MYLK4: variants seen among roughly 807,000 people sequenced by gnomAD.
The protein encoded by MYLK4 is caMLCK like.
Under a neutral mutation model 48.1 loss-of-function variants are expected in MYLK4, and 46 were observed. That is an observed-to-expected ratio of 0.96 (90% confidence interval 0.75 to 1.22). The LOEUF (loss-of-function observed/expected upper bound fraction) is 1.22, where lower values mean the gene tolerates loss of function less well. Among genes scored for constraint, MYLK4 ranks in the 50% most tolerant of loss-of-function variants. MYLK4 has a pLI of 0.00. For synonymous variants in MYLK4, 170 were observed against 180.8 expected (o/e 0.94, Z 0.48); for missense variants, 451 against 486.1 (o/e 0.93, Z 0.68).
At chr6:2,674,474 AG>A (rs1216475122) in intron 11 of MYLK4, among the ~76,000 whole-genome samples, 2 of 152,240 alleles carry the variant, frequency 1.3e-5, no homozygotes, top group Non-Finnish European at 2.9e-5. Context: ...AAGACAATGA[AG>A]TAATTCATTT....
chr6:2,676,224 G>A (rs1198459509), intron 10 of MYLK4, among the ~76,000 whole-genome samples: 3 of 152,174 alleles, frequency 2.0e-5, no homozygotes, highest in Admixed American at 6.5e-5. Flanking sequence ...CAATGCAATC[G>A]CTTCATCAGA....
chr6:2,718,827 T>A (rs1232867481), intron 2 of MYLK4, among the ~76,000 whole-genome samples: 1 of 152,252 alleles, frequency 6.6e-6, no homozygotes, highest in Non-Finnish European at 1.5e-5. Context: ...TAAAAATAGC[T>A]ACTAGTCATG....
the MYLK4 span, among the ~76,000 whole-genome samples, chr6:2,767,484 G>C: frequency 1.3e-5 from 2 of 152,152 alleles, no homozygotes; most frequent in African/African-American, 4.8e-5. Context: ...CCAGTTCCTG[G>C]AATGAATTGC....
At chr6:2,760,570 G>A in the MYLK4 span, among the ~76,000 whole-genome samples, 5 of 152,126 alleles carry the variant, frequency 3.3e-5, no homozygotes, top group East Asian at 7.7e-4. Flanking sequence ...CATTATATAG[G>A]CACTCCTAGC....
At chr6:2,745,479 T>C (rs1764052941) in intron 2 of MYLK4, among the ~76,000 whole-genome samples, 1 of 152,254 alleles carries the variant, frequency 6.6e-6, no homozygotes, top group Non-Finnish European at 1.5e-5. Context: ...CCACACCGTG[T>C]ACGTATGTTT....
intron 2 of MYLK4, among the ~76,000 whole-genome samples, chr6:2,702,947 TGTTTG>T (rs1762345674): frequency 1.3e-5 from 2 of 152,188 alleles, no homozygotes; most frequent in Non-Finnish European, 2.9e-5. Context: ...CATTGTCCTT[TGTTTG>T]ATTGTGGACG....
At chr6:2,697,600 G>C (rs1283661015) in intron 2 of MYLK4, among the ~76,000 whole-genome samples, 1 of 152,194 alleles carries the variant, frequency 6.6e-6, no homozygotes, top group Admixed American at 6.5e-5. Context: ...CGGAATAGCT[G>C]AAAGGGAAAT....
the MYLK4 span, among the ~76,000 whole-genome samples, chr6:2,766,946 TAAG>T: frequency 3.3e-5 from 5 of 152,384 alleles, no homozygotes; most frequent in South Asian, 6.2e-4. Context: ...TATTTATTCT[TAAG>T]AATAAGTTTA....
chr6:2,688,044 G>T lies in MYLK4; in HGVS notation c.341+807C>A, dbSNP rs114623020. ...CTGATGGACTTTAATTTTCCTTCTG[G>T]TTTTTTTTCTTTTCTTTTTTTTTCT... On this transcript the variant is annotated intron_variant, in intron 4 of 12. Transcript: ENST00000274643. 8.8e-3 allele frequency among the ~76,000 whole-genome samples: 1,327 copies of T among 150,582 alleles called. 22 individuals are homozygous for T. Among genetic ancestry groups the T allele is most frequent in the African/African-American group, 0.03 (1,244 of 40,988 alleles).
the MYLK4 span, chr6:2,766,010 C>T: frequency 1.5e-6 from 2 of 1,350,176 alleles, no homozygotes; most frequent in Non-Finnish European, 1.9e-6. Flanking sequence ...CCCGGTGGCC[C>T]GCTCCAGCAG....
chr6:2,764,578 G>A, the MYLK4 span, among the ~76,000 whole-genome samples: 1 of 121,454 alleles, frequency 8.2e-6, no homozygotes, highest in Non-Finnish European at 1.8e-5. Flanking sequence ...AAAATAACAT[G>A]GTAATTCATT....
intron 2 of MYLK4, among the ~76,000 whole-genome samples, chr6:2,714,981 T>A (rs1762814334): frequency 1.3e-5 from 2 of 152,000 alleles, no homozygotes; most frequent in African/African-American, 2.4e-5. Flanking sequence ...GGGTACAGAG[T>A]TGGCTGGGCG....
chr6:2,725,155 A>G (rs1216458810), intron 2 of MYLK4, among the ~76,000 whole-genome samples: 2 of 152,270 alleles, frequency 1.3e-5, no homozygotes, highest in Admixed American at 6.5e-5. Context: ...TGCCTCAAAA[A>G]CAAACAAAAA....
chr6:2,765,328 A>G, the MYLK4 span: 293 of 238,754 alleles, frequency 1.2e-3, 1 homozygote, highest in African/African-American at 6.4e-3. Context: ...GCAAACGGCC[A>G]CGGACTACAC....
At chr6:2,766,536 A>C in the MYLK4 span, 1 of 1,411,168 alleles carries the variant, frequency 7.1e-7, no homozygotes, top group Non-Finnish European at 9.3e-7. Flanking sequence ...CCCTCGAAAG[A>C]AGCCGCCTGC....
intron 12 of MYLK4, 38 bp downstream of exon 12, chr6:2,671,238 G>A (rs1326427646): frequency 4.5e-6 from 6 of 1,324,490 alleles, no homozygotes; most frequent in Non-Finnish European, 6.5e-6. Flanking sequence ...ATCTCTTAAG[G>A]CCTTCACAGA....
At chr6:2,746,159 C>T (rs1437680721) in intron 2 of MYLK4, among the ~76,000 whole-genome samples, 2 of 151,038 alleles carry the variant, frequency 1.3e-5, no homozygotes, top group African/African-American at 2.4e-5. Flanking sequence ...CCCGGCTACT[C>T]AGGAGGCTAA....
rs761200098 is a variant in MYLK4 at position 2,679,497 on chromosome 6, T to A, written c.759-89A>T. 5.3e-6 allele frequency: 8 copies of A among 1,501,310 alleles called. No homozygotes were observed. In the South Asian group the frequency reaches 9.0e-5, roughly 17 times the overall value. The allele number at this position is 1,501,310 out of a possible 1,614,324, so 93.0% of individuals were successfully genotyped here. On this transcript the variant is annotated intron_variant, in intron 8 of 12. Transcript: ENST00000274643. ...GATGTAGTCTATGAGACAAAATGAC[T>A]TCAGCCATACAGCAAACTTCAGACA...
chr6:2,765,420 C>T, the MYLK4 span: 5 of 504,342 alleles, frequency 9.9e-6, no homozygotes, highest in Non-Finnish European at 1.5e-5. Flanking sequence ...GCGTGAGGCG[C>T]TGCCAGCGGC....
Sources: gnomAD v4.1 joint callset for allele counts (sites outside exome capture counted in the v4.1 genomes callset) on GRCh38, gnomAD v4.1.1 for gene constraint, MANE v1.5 for transcripts, NCBI Gene and HGNC (gene_info 2026-07-23, HGNC 2026-07-21) for gene names.